The following ARHGAP42 variants were observed in gnomAD, a reference collection of about 807,000 sequenced individuals.
ARHGAP42 encodes the protein Rho GTPase activating protein 42, also known as rho GTPase-activating protein 42.
Under a neutral mutation model 125.0 loss-of-function variants are expected in ARHGAP42, and 63 were observed. The observed-to-expected ratio is 0.50, with a 90% confidence interval of 0.41 to 0.62. The LOEUF is 0.62. ARHGAP42 is among the 20% of genes least tolerant of loss of function. ARHGAP42 has a pLI of 0.00. For synonymous variants in ARHGAP42, 339 were observed against 351.0 expected (o/e 0.97, Z 0.38); for missense variants, 766 against 1,024.2 (o/e 0.75, Z 3.44).
At chr11:100,922,557 A>G (rs1335650755) in intron 6 of ARHGAP42, among the ~76,000 whole-genome samples, 1 of 152,206 alleles carries the variant, frequency 6.6e-6, no homozygotes, top group Non-Finnish European at 1.5e-5. Flanking sequence ...TCAAATATCT[A>G]ATCTAAGCCA....
Position 100,824,244 on chromosome 11 carries a change from GC to G in ARHGAP42, c.312+29080del, listed in dbSNP as rs538620849. ...AGAGTTAGTATTCAATAGCTTGGTGGCCACATCTTTTCTGCACATGCTTACA... is the reference window on the plus strand; with the variant it reads ...AGAGTTAGTATTCAATAGCTTGGTGGCACATCTTTTCTGCACATGCTTACA... On this transcript the variant is annotated intron_variant, in intron 3 of 23. Coordinates refer to ENST00000298815, the MANE Select transcript of ARHGAP42 (RefSeq NM_152432.4). 1.9e-3 allele frequency among the ~76,000 whole-genome samples: 296 copies of G among 152,234 alleles called. 2 individuals carry two copies. The highest frequency in any genetic ancestry group is 6.6e-3 in the African/African-American group (275 of 41,550).
chr11:100,930,849 A>G (rs930884420), intron 6 of ARHGAP42, among the ~76,000 whole-genome samples: 1 of 152,194 alleles, frequency 6.6e-6, no homozygotes, highest in Non-Finnish European at 1.5e-5. Flanking sequence ...GGAGTGTCTC[A>G]CAGGTAGTTC....
rs575019656 is a variant in ARHGAP42, at chr11:100,964,870, C to T, written c.1445-801C>T. On this transcript the variant is annotated intron_variant, in intron 16 of 23. Coordinates refer to ENST00000298815, the MANE Select transcript of ARHGAP42 (RefSeq NM_152432.4). ...GTAAGATAAGGAGAGGAATCTGGGG[C>T]TTCATCTGGTCACACTGGGTTGAAT... Among the ~76,000 whole-genome samples the T allele has an allele frequency of 2.6e-5, 4 of 152,244 alleles. No homozygotes were observed. In the East Asian group the frequency reaches 7.7e-4, roughly 29 times the overall value.
intron 1 of ARHGAP42, among the ~76,000 whole-genome samples, chr11:100,752,632 C>T (rs1369625312): frequency 6.6e-6 from 1 of 152,218 alleles, no homozygotes. Flanking sequence ...AGTGATGTAA[C>T]CTGTCCTCAA....
Position 100,897,161 on chromosome 11 carries a change from G to A in ARHGAP42, c.385-16291G>A, listed in dbSNP as rs532441583. Reference sequence around the variant, plus strand: ...GATCAGATGGTTGTAGATGTGTGGTGTTATTTCTGAGGTCTCTGTTCTGTT... The same window carrying A: ...GATCAGATGGTTGTAGATGTGTGGTATTATTTCTGAGGTCTCTGTTCTGTT... On this transcript the variant is annotated intron_variant, in intron 4 of 23. Transcript: ENST00000298815. Among the ~76,000 whole-genome samples the A allele has an allele frequency of 2.8e-3, 431 of 152,180 alleles. 3 individuals carry two copies. The highest frequency in any genetic ancestry group is 9.9e-3 in the African/African-American group (413 of 41,530).
In ARHGAP42 at chr11:100,802,205, C is replaced by T. The variant is rs375698488; in HGVS notation, c.312+7039C>T. ...TTAAATGCCACCATTTCGTCTTAGG[C>T]TGTTCAAAATTAATTTGAACCAATG... On this transcript the variant is annotated intron_variant, in intron 3 of 23. Transcript: ENST00000298815. 1.4e-4 allele frequency among the ~76,000 whole-genome samples: 22 copies of T among 152,264 alleles called. No individual in the cohort carries two copies. In the South Asian group the frequency reaches 3.5e-3, roughly 24 times the overall value.
intron 2 of ARHGAP42, among the ~76,000 whole-genome samples, chr11:100,776,171 A>T (rs544760004): frequency 2.6e-5 from 4 of 151,858 alleles, no homozygotes; most frequent in Non-Finnish European, 5.9e-5. Context: ...AAAAAAAAAA[A>T]AGTTAGATAT....
chr11:100,788,255 G>A (rs1325474474), intron 2 of ARHGAP42, among the ~76,000 whole-genome samples: 3 of 152,162 alleles, frequency 2.0e-5, no homozygotes, highest in Non-Finnish European at 4.4e-5. Flanking sequence ...ATTTCAGAGC[G>A]TGTTCTCAAG....
At chr11:100,951,443 T>G (rs1382675774) in intron 12 of ARHGAP42, among the ~76,000 whole-genome samples, 1 of 152,164 alleles carries the variant, frequency 6.6e-6, no homozygotes, top group Non-Finnish European at 1.5e-5. Flanking sequence ...AAATTGCATT[T>G]GAGAAGAGTG....
intron 12 of ARHGAP42, among the ~76,000 whole-genome samples, chr11:100,958,532 C>T (rs80042054): frequency 4.9e-5 from 6 of 121,362 alleles, no homozygotes; most frequent in East Asian, 2.1e-4. Flanking sequence ...CACACACACA[C>T]ATATATATAC....
intron 22 of ARHGAP42, among the ~76,000 whole-genome samples, chr11:100,985,592 T>C (rs979003323): frequency 2.6e-5 from 4 of 152,212 alleles, no homozygotes; most frequent in Non-Finnish European, 4.4e-5. Flanking sequence ...CACACACAGT[T>C]CTTTAAAGTC....
rs1156610561 is a variant in ARHGAP42, at chr11:100,992,693, G to A, written c.*3892G>A. 6.3e-7 allele frequency: 1 copy of A among 1,581,340 alleles called. No homozygotes were observed. Among genetic ancestry groups the A allele is most frequent in the South Asian group, 1.2e-5 (1 of 84,802 alleles). On this transcript the variant is annotated 3_prime_UTR_variant, in exon 24 of 24. Coordinates refer to ENST00000298815, the MANE Select transcript of ARHGAP42 (RefSeq NM_152432.4). ...TAACGTTGGGAAAATGCAGGTTTAT[G>A]AATGATGTGGACTTTTAGAGGATCA...
intron 1 of ARHGAP42, among the ~76,000 whole-genome samples, chr11:100,745,643 G>C (rs1862286113): frequency 6.6e-6 from 1 of 152,148 alleles, no homozygotes; most frequent in Non-Finnish European, 1.5e-5. Context: ...CTTCCATCAG[G>C]GGCAGTGTTG....
intron 4 of ARHGAP42, among the ~76,000 whole-genome samples, chr11:100,896,528 A>G (rs1866369523): frequency 6.6e-6 from 1 of 152,144 alleles, no homozygotes; most frequent in Admixed American, 6.5e-5. Flanking sequence ...AATGATTGCC[A>G]TTCTAACTGG....
intron 3 of ARHGAP42, among the ~76,000 whole-genome samples, chr11:100,802,641 G>GAGGCT (rs71053148): frequency 0.8 from 120,637 of 151,380 alleles, 48,141 homozygotes; most frequent in Middle Eastern, 0.84. Flanking sequence ...CCCTGTTGGC[G>GAGGCT]AGTCTCAAAC....
chr11:100,707,469 G>T (rs1044613998), intron 1 of ARHGAP42, among the ~76,000 whole-genome samples: 1 of 152,162 alleles, frequency 6.6e-6, no homozygotes, highest in Non-Finnish European at 1.5e-5. Context: ...GACTTAGAAG[G>T]TATTTAAAGA....
intron 3 of ARHGAP42, among the ~76,000 whole-genome samples, chr11:100,797,267 G>A (rs779578319): frequency 1.3e-5 from 2 of 152,200 alleles, no homozygotes; most frequent in Non-Finnish European, 2.9e-5. Flanking sequence ...GTAGATGAAG[G>A]TGGCTATACT....
intron 1 of ARHGAP42, among the ~76,000 whole-genome samples, chr11:100,713,212 G>T (rs1209316048): frequency 1.3e-5 from 2 of 152,180 alleles, no homozygotes; most frequent in Admixed American, 1.3e-4. Context: ...AATATCTTTT[G>T]TAATGTTTTA....
At chr11:100,777,737 A>G (rs1863165056) in intron 2 of ARHGAP42, among the ~76,000 whole-genome samples, 1 of 152,236 alleles carries the variant, frequency 6.6e-6, no homozygotes, top group Admixed American at 6.5e-5. Context: ...TTTTCTTAAA[A>G]AAAAGACCTA....
Sources: allele counts gnomAD v4.1 joint callset (sites outside exome capture counted in the v4.1 genomes callset), GRCh38; gene constraint gnomAD v4.1.1; transcripts MANE v1.5; gene names NCBI Gene and HGNC (gene_info 2026-07-23, HGNC 2026-07-21).